Variants in LRRC27 observed in about 807,000 individuals in gnomAD.
LRRC27 encodes leucine-rich repeat-containing protein 27.
Under a neutral mutation model 55.0 loss-of-function variants are expected in LRRC27, and 57 were observed. The ratio of observed to expected loss-of-function variants is 1.04; its 90% CI spans 0.84 to 1.29. The LOEUF (loss-of-function observed/expected upper bound fraction) is 1.29. LRRC27 is among the 50% of genes most tolerant of loss of function. The pLI, the probability that LRRC27 is intolerant of heterozygous loss-of-function variation, is 0.00. For missense variants in LRRC27, 721 were observed against 651.5 expected (o/e 1.11, Z -1.16); for synonymous variants, 278 against 251.9 (o/e 1.10, Z -0.98).
chr10:132,344,601 G>A lies in LRRC27; in HGVS notation c.504G>A (p.Leu168=). The A allele has an allele frequency of 6.2e-7, 1 of 1,614,162 alleles. No individual in the cohort carries two copies. The highest frequency in any genetic ancestry group is 2.2e-5 in the East Asian group (1 of 44,890). Residue 168 remains leucine, a synonymous_variant, in exon 5 of 11, where the codon CTG becomes CTA. Coordinates refer to ENST00000368614, the MANE Select transcript of LRRC27 (RefSeq NM_030626.3). ...QKGLVAIQRF[L]RMWAVEHSLP... is the part of the protein sequence containing the mutation. The stretch of plus-strand genomic sequence containing the variant: ...GATTGGTGGCTATCCAGCGCTTCCT[G>A]CGGATGTGGGCAGTAGAACACTCTC...
At chr10:132,366,609 C>A (rs2069091743) in intron 10 of LRRC27, 1 of 168,562 alleles carries the variant, frequency 5.9e-6, no homozygotes, top group Admixed American at 6.4e-5. Flanking sequence ...CCCACCCTTC[C>A]TGCAGCCATA....
Position 132,334,657 on chromosome 10 carries a change from T to G in LRRC27, c.210+923T>G, listed in dbSNP as rs538925598. On this transcript the variant is annotated intron_variant, in intron 2 of 10. Transcript: ENST00000368614. ...GCTGTCACGGCAGCGCTGGTCTTGC[T>G]CTTTCTTTCCTTCATGCTGACATCT... 2.4e-4 allele frequency among the ~76,000 whole-genome samples: 36 copies of G among 152,368 alleles called. No individual in the cohort carries two copies. The East Asian group carries it at 6.7e-3, about 29-fold the overall frequency.
chr10:132,358,650 T>C (rs866406186), intron 8 of LRRC27, among the ~76,000 whole-genome samples: 265 of 19,900 alleles, frequency 0.013, 8 homozygotes, highest in African/African-American at 0.046. Context: ...GGTGGAGCAG[T>C]GTGGGGAGGA....
rs74161787 is a variant in LRRC27, at chr10:132,346,907, G to A, written c.554-1077G>A. Among the ~76,000 whole-genome samples the A allele has an allele frequency of 3.7e-3, 557 of 152,300 alleles. 10 individuals carry two copies. Among genetic ancestry groups the A allele is most frequent in the African/African-American group, 0.013 (533 of 41,558 alleles). ...CTTTCAAACCTAAGACCCTGAGCAC[G>A]CAGCAGTCAGGAGCATGTGGCAGCC... is the stretch of plus-strand genomic sequence containing the variant. On this transcript the variant is annotated intron_variant, in intron 5 of 10. Transcript: ENST00000368614.
At chr10:132,344,474 C>T (rs767493980) in intron 4 of LRRC27, 24 bp from the exon 5 acceptor site, 1 of 1,594,204 alleles carries the variant, frequency 6.3e-7, no homozygotes, top group Non-Finnish European at 8.6e-7. Context: ...AGAATGCTGA[C>T]AGTTTTTTTT....
At chr10:132,335,506 TC>T (rs199895509) in intron 2 of LRRC27, among the ~76,000 whole-genome samples, 2 of 129,474 alleles carry the variant, frequency 1.5e-5, no homozygotes, top group African/African-American at 6.0e-5. Flanking sequence ...CTGGATGTCG[TC>T]TATTGGTTGT....
chr10:132,376,375 G>A lies in LRRC27; in HGVS notation c.*1133G>A, dbSNP rs1218936842. On this transcript the variant is annotated 3_prime_UTR_variant, in exon 11 of 11. Transcript: ENST00000368614. ...ACTTCCAAACCCATGTATTAGAGAA[G>A]AAGGGCGTGAAATTTATCACCTAAG... The A allele has an allele frequency of 6.6e-6, 1 of 152,256 alleles. No individual in the cohort carries two copies. Among genetic ancestry groups the A allele is most frequent in the Non-Finnish European group, 1.5e-5 (1 of 68,050 alleles). The allele number at this position is 152,256 out of a possible 1,614,324, so 9.4% of individuals were successfully genotyped here.
At chr10:132,337,085 A>G (rs563712350) in intron 2 of LRRC27, 6 of 1,271,898 alleles carry the variant, frequency 4.7e-6, no homozygotes, top group Non-Finnish European at 5.9e-6. Flanking sequence ...CACGGCAGAC[A>G]TCTCTGTCCC....
chr10:132,366,753 G>A, intron 10 of LRRC27: 2 of 1,023,688 alleles, frequency 2.0e-6, no homozygotes, highest in Non-Finnish European at 2.5e-6. Context: ...ACGCAGCACT[G>A]TCACGGGGGA....
chr10:132,364,116 C>G (rs2068785858), intron 9 of LRRC27, among the ~76,000 whole-genome samples: 1 of 152,016 alleles, frequency 6.6e-6, no homozygotes, highest in African/African-American at 2.4e-5. Flanking sequence ...GGCGCTGACA[C>G]AGGGCATGCC....
At chr10:132,345,766 C>G (rs759189408) in intron 5 of LRRC27, among the ~76,000 whole-genome samples, 13 of 152,062 alleles carry the variant, frequency 8.5e-5, no homozygotes, top group Non-Finnish European at 1.8e-4. Context: ...TCAGGCACAG[C>G]CGGAGCCAGG....
chr10:132,335,372 A>G (rs977951094), intron 2 of LRRC27: 19 of 152,104 alleles, frequency 1.2e-4, no homozygotes, highest in African/African-American at 4.6e-4. Context: ...TCATAGGCTG[A>G]GTACTATGGG....
At chr10:132,339,097 G>T (rs1214022263) in intron 3 of LRRC27, among the ~76,000 whole-genome samples, 1 of 152,206 alleles carries the variant, frequency 6.6e-6, no homozygotes, top group Non-Finnish European at 1.5e-5. Context: ...GGCAGCCTGG[G>T]CGTGGCTGGC....
chr10:132,331,556 T>A (rs769663080), upstream of LRRC27: 6 of 1,612,704 alleles, frequency 3.7e-6, no homozygotes, highest in African/African-American at 8.0e-5. Context: ...GACAAGCAGC[T>A]CCTGTGGGAA....
At chr10:132,345,120 T>C (rs967957632) in intron 5 of LRRC27, among the ~76,000 whole-genome samples, 2 of 152,234 alleles carry the variant, frequency 1.3e-5, no homozygotes, top group African/African-American at 4.8e-5. Context: ...TCTTTCAACA[T>C]ACTGACCAGC....
intron 8 of LRRC27, among the ~76,000 whole-genome samples, chr10:132,361,168 G>A (rs1477972024): frequency 6.6e-6 from 1 of 152,168 alleles, no homozygotes; most frequent in African/African-American, 2.4e-5. Flanking sequence ...GGCATGCAGG[G>A]CAGCCTTCCG....
chr10:132,351,271 A>G, intron 6 of LRRC27: 1 of 237,032 alleles, frequency 4.2e-6, no homozygotes, highest in Admixed American at 5.0e-5. Flanking sequence ...AGGTCAGACA[A>G]GGGTGCGGCA....
At position 132,333,490 on chromosome 10, in the gene LRRC27, A is replaced by C; in HGVS notation, c.-35A>C. On this transcript the variant is annotated 5_prime_UTR_variant, in exon 2 of 11. Coordinates refer to ENST00000368614, the MANE Select transcript of LRRC27 (RefSeq NM_030626.3). ...CCGTGTCTCCAGGTGACTCCAGACC[A>C]AGGAGGATGAGCTGCTGTCCCTGGA... The C allele has an allele frequency of 6.5e-7, 1 of 1,533,884 alleles. No individual in the cohort carries two copies. Among genetic ancestry groups the C allele is most frequent in the Non-Finnish European group, 8.8e-7 (1 of 1,134,830 alleles).
At chr10:132,342,585 C>T (rs12411778) in intron 4 of LRRC27, among the ~76,000 whole-genome samples, 12,774 of 152,246 alleles carry the variant, frequency 0.084, 665 homozygotes, top group African/African-American at 0.15. Flanking sequence ...CGCTGCATCT[C>T]GCTGGCCTTC....
Sources: gnomAD v4.1 joint callset for allele counts (sites outside exome capture counted in the v4.1 genomes callset) on GRCh38, gnomAD v4.1.1 for gene constraint, MANE v1.5 for transcripts, NCBI Gene and HGNC (gene_info 2026-07-23, HGNC 2026-07-21) for gene names.